The following DPP10 variants were observed in gnomAD, a reference collection of about 807,000 sequenced individuals.
DPP10 encodes the protein inactive dipeptidyl peptidase 10.
Under a neutral mutation model 120.9 loss-of-function variants are expected in DPP10, and 33 were observed. That is an observed-to-expected ratio of 0.27 (90% CI 0.21 to 0.37). The LOEUF (loss-of-function observed/expected upper bound fraction) is 0.37. Ranked by LOEUF, DPP10 falls within the 10% of genes least tolerant of loss-of-function variation. The pLI is 1.00. For missense variants in DPP10, 816 were observed against 942.8 expected, an observed-to-expected ratio of 0.87 and a Z score of 1.76; for synonymous variants, 337 against 326.1, an observed-to-expected ratio of 1.03 and a Z score of -0.36.
intron 1 of DPP10, among the ~76,000 whole-genome samples, chr2:114,586,479 A>G (rs906633398): frequency 6.6e-6 from 1 of 152,220 alleles, no homozygotes; most frequent in Admixed American, 6.5e-5. Context: ...TGGGAAATAA[A>G]CTAGTACCAG....
chr2:114,693,325 T>G (rs1242566312), intron 1 of DPP10, among the ~76,000 whole-genome samples: 1 of 151,860 alleles, frequency 6.6e-6, no homozygotes, highest in Non-Finnish European at 1.5e-5. Flanking sequence ...CTTATTTCTC[T>G]TTCACTTATG....
intron 3 of DPP10, among the ~76,000 whole-genome samples, chr2:115,405,207 T>C (rs2068418059): frequency 6.6e-6 from 1 of 152,186 alleles, no homozygotes; most frequent in Admixed American, 6.5e-5. Context: ...AGGCATAAGA[T>C]GAGTATTCTC....
chr2:114,843,301 G>T (rs1253220732), intron 1 of DPP10, among the ~76,000 whole-genome samples: 1 of 152,084 alleles, frequency 6.6e-6, no homozygotes, highest in Non-Finnish European at 1.5e-5. Flanking sequence ...TATTACTCAT[G>T]TTTCTACCAG....
At chr2:115,442,444 G>A (rs1423002921) in intron 3 of DPP10, among the ~76,000 whole-genome samples, 2 of 151,890 alleles carry the variant, frequency 1.3e-5, no homozygotes, top group African/African-American at 4.8e-5. Context: ...TTCTGAGTTA[G>A]CGTAATTCCT....
chr2:114,686,706 A>T (rs1699391294), intron 1 of DPP10, among the ~76,000 whole-genome samples: 1 of 151,928 alleles, frequency 6.6e-6, no homozygotes, highest in Admixed American at 6.6e-5. Context: ...TTTGGATCAC[A>T]TGTCTATCTG....
chr2:115,386,387 AGAGCACTCAGTGATGC>A lies in DPP10; in HGVS notation c.271+42491_271+42506del, dbSNP rs550760412. Among the ~76,000 whole-genome samples, 29 of 152,314 alleles carry A rather than the reference AGAGCACTCAGTGATGC, an allele frequency of 1.9e-4. No homozygotes were observed. The South Asian group carries it at 5.6e-3, about 29-fold the overall frequency. On this transcript the variant is annotated intron_variant, in intron 3 of 25. Transcript: ENST00000410059. The stretch of plus-strand genomic sequence containing the variant: ...GACACATGCATCACTCTTACCTGTG[AGAGCACTCAGTGATGC>A]GAGCACTCAGTGATGAGTGATGATG...
At chr2:115,050,594 G>T (rs1449952549) in intron 1 of DPP10, among the ~76,000 whole-genome samples, 1 of 152,092 alleles carries the variant, frequency 6.6e-6, no homozygotes, top group Admixed American at 6.6e-5. Flanking sequence ...AGGATGAAAG[G>T]CTGGAGATTG....
At chr2:114,754,857 A>G (rs1339418405) in intron 1 of DPP10, among the ~76,000 whole-genome samples, 1 of 152,230 alleles carries the variant, frequency 6.6e-6, no homozygotes, top group Non-Finnish European at 1.5e-5. Context: ...AAAATAACCA[A>G]GAAAAGCATG....
chr2:115,683,483 T>C (rs576726895), intron 5 of DPP10, among the ~76,000 whole-genome samples: 3 of 151,798 alleles, frequency 2.0e-5, no homozygotes, highest in Non-Finnish European at 4.4e-5. Flanking sequence ...AACCCTAGTG[T>C]AAATTATGGA....
chr2:115,187,808 C>T (rs4490190), intron 1 of DPP10, among the ~76,000 whole-genome samples: 1 of 152,084 alleles, frequency 6.6e-6, no homozygotes, highest in Non-Finnish European at 1.5e-5. Flanking sequence ...GGAAATCAGC[C>T]TGAGCAACAT....
chr2:114,942,576 T>G (rs1405390405), intron 1 of DPP10, among the ~76,000 whole-genome samples: 1 of 151,550 alleles, frequency 6.6e-6, no homozygotes, highest in South Asian at 2.1e-4. Flanking sequence ...TCAAAATTGT[T>G]GTTTCAGTAG....
At chr2:115,311,537 A>G (rs1018119073) in intron 2 of DPP10, among the ~76,000 whole-genome samples, 4 of 152,216 alleles carry the variant, frequency 2.6e-5, no homozygotes, top group African/African-American at 9.6e-5. Flanking sequence ...CCTGGGGTCA[A>G]ATTATTCATG....
chr2:115,167,903 A>G (rs1333033234), intron 1 of DPP10, among the ~76,000 whole-genome samples: 1 of 152,164 alleles, frequency 6.6e-6, no homozygotes, highest in East Asian at 1.9e-4. Flanking sequence ...GCTAATTCTC[A>G]CCAAGAGTTG....
chr2:114,801,943 T>C (rs1684290230), intron 1 of DPP10, among the ~76,000 whole-genome samples: 1 of 150,888 alleles, frequency 6.6e-6, no homozygotes, highest in Non-Finnish European at 1.5e-5. Flanking sequence ...TTCCCAAATT[T>C]CTACCTTGCT....
Position 114,957,431 on chromosome 2 carries a change from A to G in DPP10, c.61-351808A>G, listed in dbSNP as rs1045310680. ...CCTCACATCTGTTAGAATGGCTATT[A>G]TCAAAGTGACAACAGATAAGTGTTG... On this transcript the variant is annotated intron_variant, in intron 1 of 25. Coordinates refer to ENST00000410059, the MANE Select transcript of DPP10 (RefSeq NM_020868.6). Among the ~76,000 whole-genome samples, 3 of 152,198 alleles carry G rather than the reference A, an allele frequency of 2.0e-5. No individual in the cohort carries two copies. In the East Asian group the frequency reaches 5.8e-4, roughly 29 times the overall value.
At chr2:115,120,342 G>A (rs533207351) in intron 1 of DPP10, among the ~76,000 whole-genome samples, 343 of 152,300 alleles carry the variant, frequency 2.3e-3, no homozygotes, top group African/African-American at 7.7e-3. Flanking sequence ...GAGACTCCTG[G>A]GGATTTGAAG....
intron 1 of DPP10, among the ~76,000 whole-genome samples, chr2:114,771,875 A>AT (rs1005393819): frequency 2.6e-5 from 4 of 151,704 alleles, no homozygotes; most frequent in Admixed American, 6.6e-5. Flanking sequence ...AACACTTTAG[A>AT]TTTTTTTTTC....
chr2:114,948,498 C>A (rs1214991789), intron 1 of DPP10, among the ~76,000 whole-genome samples: 1 of 152,158 alleles, frequency 6.6e-6, no homozygotes, highest in Non-Finnish European at 1.5e-5. Flanking sequence ...TTATACTCCT[C>A]TCAATCTGGG....
intron 3 of DPP10, among the ~76,000 whole-genome samples, chr2:115,391,843 C>T (rs572348170): frequency 4.9e-4 from 74 of 152,084 alleles, no homozygotes; most frequent in Non-Finnish European, 7.5e-4. Flanking sequence ...AATGTCTTTA[C>T]GGTATTTCCA....
Sources: gnomAD v4.1 joint callset for allele counts (sites outside exome capture counted in the v4.1 genomes callset) on GRCh38, gnomAD v4.1.1 for gene constraint, MANE v1.5 for transcripts, NCBI Gene and HGNC (gene_info 2026-07-23, HGNC 2026-07-21) for gene names.